The following CNTNAP2 variants were observed in gnomAD, a reference collection of about 807,000 sequenced individuals.
CNTNAP2 encodes contactin associated protein 2.
Under a neutral mutation model 155.2 loss-of-function variants are expected in CNTNAP2, and 98 were observed. The ratio of observed to expected loss-of-function variants is 0.63; its 90% CI spans 0.54 to 0.75. The LOEUF (loss-of-function observed/expected upper bound fraction) is 0.75. Among genes scored for constraint, CNTNAP2 ranks in the 30% least tolerant of loss-of-function variants. CNTNAP2 has a pLI of 0.00. For synonymous variants in CNTNAP2, 651 were observed against 631.2 expected (o/e 1.03, Z -0.47); for missense variants, 1,727 against 1,688.1 (o/e 1.02, Z -0.40).
At position 148,420,211 on chromosome 7, in the gene CNTNAP2, C is replaced by T. The variant is rs1303304650; in HGVS notation, c.*4595C>T. The T allele has an allele frequency of 2.0e-5, 3 of 152,208 alleles. No homozygotes were observed. Among genetic ancestry groups the T allele is most frequent in the Non-Finnish European group, 4.4e-5 (3 of 68,038 alleles). 9.4% of individuals were successfully genotyped at this position (152,208 alleles called of 1,614,324 possible). A position where few individuals can be genotyped will look rare whatever the true frequency, so the allele number is the denominator to read the frequency against. Reference sequence around the variant, plus strand: ...TAAATTCCCACCTGAATGTAACTTACAGCTCCCTTACCTACTCTCACACAT... The same window carrying T: ...TAAATTCCCACCTGAATGTAACTTATAGCTCCCTTACCTACTCTCACACAT... On this transcript the variant is annotated 3_prime_UTR_variant, in exon 24 of 24. Transcript: ENST00000361727.
At chr7:147,484,733 A>G (rs1159705155) in intron 10 of CNTNAP2, among the ~76,000 whole-genome samples, 1 of 152,232 alleles carries the variant, frequency 6.6e-6, no homozygotes. Flanking sequence ...GAGTTGGAGA[A>G]TGCTATTTCT....
intron 2 of CNTNAP2, among the ~76,000 whole-genome samples, chr7:146,826,500 C>A (rs1479839698): frequency 1.3e-5 from 2 of 152,206 alleles, no homozygotes; most frequent in Admixed American, 1.3e-4. Context: ...GGGAACTAAG[C>A]AAGTCCATTC....
intron 14 of CNTNAP2, among the ~76,000 whole-genome samples, chr7:147,969,413 A>T (rs1283415249): frequency 1.3e-5 from 2 of 152,108 alleles, no homozygotes; most frequent in Non-Finnish European, 2.9e-5. Context: ...GGTGGCTTTC[A>T]AAGTTCACGT....
intron 4 of CNTNAP2, among the ~76,000 whole-genome samples, chr7:147,095,101 C>A (rs898469282): frequency 6.6e-6 from 1 of 151,882 alleles, no homozygotes; most frequent in African/African-American, 2.4e-5. Flanking sequence ...CTCACTGCAA[C>A]CTTCGTCTAC....
At chr7:146,805,389 T>G (rs1802949838) in intron 2 of CNTNAP2, among the ~76,000 whole-genome samples, 1 of 152,194 alleles carries the variant, frequency 6.6e-6, no homozygotes, top group African/African-American at 2.4e-5. Flanking sequence ...TCACTTGGGA[T>G]TGGTGGGTTA....
intron 1 of CNTNAP2, among the ~76,000 whole-genome samples, chr7:146,124,969 A>T (rs1316848504): frequency 6.6e-6 from 1 of 152,170 alleles, no homozygotes; most frequent in African/African-American, 2.4e-5. Context: ...TTTTTACTCA[A>T]GTTATATATA....
intron 8 of CNTNAP2, among the ~76,000 whole-genome samples, chr7:147,277,144 G>A (rs572388361): frequency 6.6e-6 from 1 of 152,110 alleles, no homozygotes; most frequent in South Asian, 2.1e-4. Context: ...AGTGAAATAT[G>A]ATATGCTTGC....
At chr7:148,395,979 T>C (rs376733756) in intron 22 of CNTNAP2, among the ~76,000 whole-genome samples, 18 of 152,338 alleles carry the variant, frequency 1.2e-4, no homozygotes, top group East Asian at 5.8e-4. Context: ...GTTAGGACTC[T>C]GTCCCGTTCT....
intron 17 of CNTNAP2, among the ~76,000 whole-genome samples, chr7:148,164,157 A>C (rs1805604438): frequency 6.6e-6 from 1 of 151,390 alleles, no homozygotes. Flanking sequence ...CTGGTCTCGA[A>C]CTCCTGACCT....
intron 11 of CNTNAP2, among the ~76,000 whole-genome samples, chr7:147,538,008 A>G (rs1474763673): frequency 1.3e-5 from 2 of 152,056 alleles, no homozygotes; most frequent in Admixed American, 6.5e-5. Context: ...ACAGACCACT[A>G]AAAATCTCCC....
At chr7:146,942,675 C>T (rs923179413) in intron 3 of CNTNAP2, among the ~76,000 whole-genome samples, 2 of 152,100 alleles carry the variant, frequency 1.3e-5, no homozygotes, top group African/African-American at 4.8e-5. Context: ...AATGCATGTT[C>T]AACCTATCAT....
At chr7:146,763,269 A>G (rs982438714) in intron 1 of CNTNAP2, among the ~76,000 whole-genome samples, 1 of 152,126 alleles carries the variant, frequency 6.6e-6, no homozygotes, top group African/African-American at 2.4e-5. Context: ...TTACTACTCC[A>G]CAGATATCAG....
intron 13 of CNTNAP2, among the ~76,000 whole-genome samples, chr7:147,788,987 C>T (rs923821619): frequency 2.7e-5 from 4 of 148,424 alleles, no homozygotes; most frequent in African/African-American, 1.0e-4. Context: ...TCACTGCAAC[C>T]TCTGCCTCCT....
intron 13 of CNTNAP2, among the ~76,000 whole-genome samples, chr7:147,815,575 G>A (rs1798251359): frequency 6.6e-6 from 1 of 152,002 alleles, no homozygotes; most frequent in African/African-American, 2.4e-5. Flanking sequence ...ACTTTTAAGG[G>A]TTCATATGAT....
chr7:148,123,634 AGG>A (rs1804647327), intron 16 of CNTNAP2, among the ~76,000 whole-genome samples: 2 of 12,066 alleles, frequency 1.7e-4, no homozygotes, highest in Non-Finnish European at 3.4e-4. Context: ...AAGGGAGAGC[AGG>A]AAGGAAGGAA....
chr7:146,504,377 G>A (rs1280876966), intron 1 of CNTNAP2, among the ~76,000 whole-genome samples: 1 of 152,164 alleles, frequency 6.6e-6, no homozygotes, highest in Non-Finnish European at 1.5e-5. Context: ...TGATTTCCTG[G>A]GAAACTCCTT....
intron 21 of CNTNAP2, among the ~76,000 whole-genome samples, chr7:148,309,096 A>G (rs933972704): frequency 3.3e-5 from 5 of 152,192 alleles, no homozygotes; most frequent in African/African-American, 1.2e-4. Context: ...ATAGCCAGTA[A>G]TGGGATTGCT....
chr7:147,856,826 G>A (rs2116678798), intron 13 of CNTNAP2, among the ~76,000 whole-genome samples: 1 of 152,158 alleles, frequency 6.6e-6, no homozygotes, highest in South Asian at 2.1e-4. Flanking sequence ...GTTAGGTTTT[G>A]GAAAATATTT....
chr7:148,173,613 G>A (rs1432128006), intron 18 of CNTNAP2, among the ~76,000 whole-genome samples: 3 of 152,190 alleles, frequency 2.0e-5, no homozygotes, highest in Admixed American at 6.5e-5. Context: ...CAACAAAGGT[G>A]GAAAGGAACA....
Sources: gnomAD v4.1 joint callset for allele counts (sites outside exome capture counted in the v4.1 genomes callset) on GRCh38, gnomAD v4.1.1 for gene constraint, MANE v1.5 for transcripts, NCBI Gene and HGNC (gene_info 2026-07-23, HGNC 2026-07-21) for gene names.